IRF2: variants seen among roughly 807,000 people sequenced by gnomAD.
The protein encoded by IRF2 is interferon regulatory factor 2.
Under a neutral mutation model 40.6 loss-of-function variants are expected in IRF2, and 15 were observed. The observed-to-expected ratio is 0.37, with a 90% CI of 0.25 to 0.57. IRF2 has a LOEUF of 0.57. Ranked by LOEUF, IRF2 falls within the 20% of genes least tolerant of loss-of-function variation. The probability of loss-of-function intolerance (pLI) is 0.77; values close to 1 mark genes in which losing one functional copy is unlikely to be tolerated. For missense variants in IRF2, 317 were observed against 455.7 expected, an observed-to-expected ratio of 0.70 and a Z score of 2.77; for synonymous variants, 151 against 165.5, an observed-to-expected ratio of 0.91 and a Z score of 0.67.
At chr4:184,406,479 C>T (rs997668771) in intron 6 of IRF2, among the ~76,000 whole-genome samples, 2 of 152,284 alleles carry the variant, frequency 1.3e-5, no homozygotes, top group East Asian at 1.9e-4. Context: ...CCACCCACCT[C>T]GGCCTCCCAA....
intron 2 of IRF2, among the ~76,000 whole-genome samples, chr4:184,422,871 G>C (rs1737533406): frequency 6.6e-6 from 1 of 152,152 alleles, no homozygotes; most frequent in Non-Finnish European, 1.5e-5. Flanking sequence ...AAAAAGTTCT[G>C]GAACTGGACA....
At chr4:184,418,470 A>C (rs771741375) in intron 4 of IRF2, 62 bp downstream of exon 4, 23 of 1,440,320 alleles carry the variant, frequency 1.6e-5, no homozygotes, top group Non-Finnish European at 5.9e-6. Flanking sequence ...AGAAATGAAG[A>C]GATCACGAAG....
At chr4:184,469,043 T>G (rs1314329752) in intron 1 of IRF2, among the ~76,000 whole-genome samples, 2 of 152,148 alleles carry the variant, frequency 1.3e-5, no homozygotes, top group African/African-American at 2.4e-5. Flanking sequence ...CAAGAAATAT[T>G]TAATAAACAA....
chr4:184,406,480 G>A (rs1440631971), intron 6 of IRF2, among the ~76,000 whole-genome samples: 1 of 151,996 alleles, frequency 6.6e-6, no homozygotes, highest in Non-Finnish European at 1.5e-5. Context: ...CACCCACCTC[G>A]GCCTCCCAAA....
intron 2 of IRF2, among the ~76,000 whole-genome samples, chr4:184,428,441 C>T (rs892263404): frequency 2.0e-5 from 3 of 152,166 alleles, no homozygotes; most frequent in Admixed American, 6.5e-5. Flanking sequence ...GGCAGTCAGC[C>T]AAAACACCAA....
chr4:184,412,042 G>A (rs1316263895), intron 5 of IRF2, among the ~76,000 whole-genome samples: 2 of 149,086 alleles, frequency 1.3e-5, no homozygotes, highest in African/African-American at 2.5e-5. Context: ...CTCTGCTTGG[G>A]TCCAGACTTC....
intron 1 of IRF2, among the ~76,000 whole-genome samples, chr4:184,430,546 C>T (rs2149904683): frequency 6.6e-6 from 1 of 152,370 alleles, no homozygotes; most frequent in South Asian, 2.1e-4. Flanking sequence ...ACTGATCTTA[C>T]ACTGCTCCTT....
At position 184,473,570 on chromosome 4, in the gene IRF2, A is replaced by AGCG. The variant is rs544775223; in HGVS notation, c.-7+806_-7+808dup. On this transcript the variant is annotated intron_variant, in intron 1 of 8. Coordinates refer to ENST00000393593, the MANE Select transcript of IRF2 (RefSeq NM_002199.4). ...GAAGGAGGACGCGGCGTCCCTTCTG[A>AGCG]GCGGCGGCGGCGGCGGCCCAGCCCC... 2.5e-3 allele frequency among the ~76,000 whole-genome samples: 363 copies of AGCG among 147,258 alleles called. 1 individual carries two copies. Among genetic ancestry groups the AGCG allele is most frequent in the African/African-American group, 8.4e-3 (343 of 40,844 alleles).
intron 1 of IRF2, among the ~76,000 whole-genome samples, chr4:184,465,820 G>C (rs1267611191): frequency 6.6e-6 from 1 of 152,094 alleles, no homozygotes; most frequent in Non-Finnish European, 1.5e-5. Flanking sequence ...ATACATCTTT[G>C]TTCCCATCTC....
chr4:184,452,419 C>A (rs893789677), intron 1 of IRF2, among the ~76,000 whole-genome samples: 1 of 152,186 alleles, frequency 6.6e-6, no homozygotes, highest in African/African-American at 2.4e-5. Flanking sequence ...GAAGGAGTCT[C>A]ATCACAGCCT....
rs1171309992 is a variant in IRF2 at position 184,429,967 on chromosome 4, A to G, written c.-6-897T>C. On this transcript the variant is annotated intron_variant, in intron 1 of 8. Transcript: ENST00000393593. ...TCACCCTATCTATGCCTGCATTCAC[A>G]TCTAATCTGGGCTCCAAAAGCAAAG... is the stretch of plus-strand genomic sequence containing the variant. 2.0e-5 allele frequency among the ~76,000 whole-genome samples: 3 copies of G among 152,098 alleles called. No individual in the cohort carries two copies. In the East Asian group the frequency reaches 5.8e-4, roughly 29 times the overall value.
At chr4:184,414,797 C>A (rs1262789357) in intron 5 of IRF2, among the ~76,000 whole-genome samples, 2 of 152,194 alleles carry the variant, frequency 1.3e-5, no homozygotes, top group Non-Finnish European at 2.9e-5. Flanking sequence ...ATTAAAACTT[C>A]AACTTGAAGA....
At chr4:184,464,747 C>T (rs1739265158) in intron 1 of IRF2, among the ~76,000 whole-genome samples, 1 of 152,190 alleles carries the variant, frequency 6.6e-6, no homozygotes, top group African/African-American at 2.4e-5. Flanking sequence ...GGAGACATCC[C>T]CAGGTTACAA....
intron 1 of IRF2, among the ~76,000 whole-genome samples, chr4:184,434,578 T>C (rs770429428): frequency 2.0e-5 from 3 of 152,240 alleles, no homozygotes; most frequent in Non-Finnish European, 4.4e-5. Flanking sequence ...TGTAAAATCA[T>C]CTACCTTTAC....
chr4:184,407,481 G>GTTAC (rs2149896185), intron 6 of IRF2, among the ~76,000 whole-genome samples: 1 of 152,308 alleles, frequency 6.6e-6, no homozygotes, highest in African/African-American at 2.4e-5. Flanking sequence ...TTGTTCAACT[G>GTTAC]TTACGAAGGA....
intron 1 of IRF2, among the ~76,000 whole-genome samples, chr4:184,454,762 T>C (rs1056748240): frequency 3.3e-5 from 5 of 152,166 alleles, no homozygotes; most frequent in Non-Finnish European, 7.3e-5. Flanking sequence ...ACTCACAACC[T>C]TCAACTTCGC....
chr4:184,459,393 A>G (rs1739052490), intron 1 of IRF2, among the ~76,000 whole-genome samples: 1 of 152,180 alleles, frequency 6.6e-6, no homozygotes, highest in Admixed American at 6.5e-5. Context: ...AATGAAGGGA[A>G]GGGGCAGGCA....
chr4:184,436,043 C>T (rs1738065024), intron 1 of IRF2, among the ~76,000 whole-genome samples: 1 of 150,022 alleles, frequency 6.7e-6, no homozygotes, highest in Admixed American at 6.7e-5. Context: ...GTGGCTCGAA[C>T]TCGACTCACT....
intron 1 of IRF2, among the ~76,000 whole-genome samples, chr4:184,471,014 T>C (rs1167281234): frequency 6.6e-6 from 1 of 152,238 alleles, no homozygotes. Flanking sequence ...CCATGTTTAA[T>C]CTTTTATCAT....
Sources: allele counts gnomAD v4.1 joint callset (sites outside exome capture counted in the v4.1 genomes callset), GRCh38; gene constraint gnomAD v4.1.1; transcripts MANE v1.5; gene names NCBI Gene and HGNC (gene_info 2026-07-23, HGNC 2026-07-21).